Variants in TRAF3 observed in about 807,000 individuals in gnomAD.
TRAF3 encodes TNF receptor associated factor 3.
In TRAF3, 13 loss-of-function variants were observed where a neutral mutation model predicts 62.3. The observed-to-expected ratio is 0.21, with a 90% CI of 0.14 to 0.33. TRAF3 has a LOEUF of 0.33. TRAF3 is among the 10% of genes least tolerant of loss of function. The probability of loss-of-function intolerance (pLI) is 1.00; values close to 1 mark genes in which losing one functional copy is unlikely to be tolerated. For missense variants in TRAF3, 440 were observed against 741.8 expected, an observed-to-expected ratio of 0.59 and a Z score of 4.73; for synonymous variants, 269 against 283.4, an observed-to-expected ratio of 0.95 and a Z score of 0.51.
intron 6 of TRAF3, among the ~76,000 whole-genome samples, chr14:102,881,912 A>C (rs997562897): frequency 3.5e-4 from 54 of 152,232 alleles, no homozygotes; most frequent in Non-Finnish European, 3.1e-4. Flanking sequence ...AGGCTGTAAC[A>C]GGTCAGGTTT....
chr14:102,895,630 TAGAC>T lies in TRAF3; in HGVS notation c.820-1627_820-1624del, dbSNP rs544208218. Among the ~76,000 whole-genome samples the T allele has an allele frequency of 8.2e-3, 1,253 of 152,328 alleles. 10 individuals carry two copies. The highest frequency in any genetic ancestry group is 0.013 in the Non-Finnish European group (853 of 68,028). ...GGGTGGAGACCACCACCCCAATGGA[TAGAC>T]AGAGACACTCGTTAATAGATGGGGG... On this transcript the variant is annotated intron_variant, in intron 9 of 11. Transcript: ENST00000392745.
At chr14:102,853,393 G>A (rs868374720) in intron 2 of TRAF3, among the ~76,000 whole-genome samples, 4 of 152,022 alleles carry the variant, frequency 2.6e-5, no homozygotes, top group Admixed American at 1.3e-4. Context: ...CAGGCTGTGC[G>A]GGATTCAGGA....
intron 6 of TRAF3, among the ~76,000 whole-genome samples, chr14:102,879,991 C>T (rs1888955562): frequency 6.6e-6 from 1 of 152,064 alleles, no homozygotes; most frequent in African/African-American, 2.4e-5. Context: ...TGAAGCATAC[C>T]TGTAGTTCTA....
chr14:102,788,571 G>A (rs968743336), intron 1 of TRAF3, among the ~76,000 whole-genome samples: 1 of 152,174 alleles, frequency 6.6e-6, no homozygotes, highest in Admixed American at 6.5e-5. Context: ...AGGCTGAGGC[G>A]GGCGGATCAT....
rs1890833372 is a variant in TRAF3 at position 102,910,878 on chromosome 14, C to A, written c.*5094C>A. Reference sequence around the variant, plus strand: ...TAGTCCCCTCAGACAAGTAAGATACCCTCCAACAGCAAATTCAATGACTTA... The same window carrying A: ...TAGTCCCCTCAGACAAGTAAGATACACTCCAACAGCAAATTCAATGACTTA... On this transcript the variant is annotated 3_prime_UTR_variant, in exon 12 of 12. Transcript: ENST00000392745. 1 of 152,198 alleles carries A rather than the reference C, an allele frequency of 6.6e-6. No homozygotes were observed. Among genetic ancestry groups the A allele is most frequent in the Admixed American group, 6.5e-5 (1 of 15,282 alleles). The allele number at this position is 152,198 out of a possible 1,614,324, so 9.4% of individuals were successfully genotyped here. A position where few individuals can be genotyped will look rare whatever the true frequency, so the allele number is the denominator to read the frequency against.
chr14:102,892,319 A>T (rs930130970), intron 9 of TRAF3, among the ~76,000 whole-genome samples: 18 of 152,048 alleles, frequency 1.2e-4, no homozygotes, highest in African/African-American at 3.9e-4. Flanking sequence ...CGGCCTCCCA[A>T]AGTGCTGGGA....
chr14:102,806,510 C>A (rs888841323), intron 1 of TRAF3, among the ~76,000 whole-genome samples: 5 of 152,144 alleles, frequency 3.3e-5, no homozygotes, highest in African/African-American at 1.2e-4. Context: ...CCCAAGTTCC[C>A]CAAACTTATG....
At chr14:102,850,947 T>A (rs1887003347) in intron 2 of TRAF3, among the ~76,000 whole-genome samples, 1 of 152,152 alleles carries the variant, frequency 6.6e-6, no homozygotes. Context: ...GGATAGGCAG[T>A]GGGCTATTAA....
rs1890570500 is a variant in TRAF3 at position 102,906,027 on chromosome 14, A to T, written c.*243A>T. ...TCAACAAGATAAATATTGCTGTCAG[A>T]GAAGGTTTTCATTTTCATTTTTAAA... On this transcript the variant is annotated 3_prime_UTR_variant, in exon 12 of 12. Coordinates refer to ENST00000392745, the MANE Select transcript of TRAF3 (RefSeq NM_145725.3). 1 of 442,600 alleles carries T rather than the reference A, an allele frequency of 2.3e-6. No homozygotes were observed. The highest frequency in any genetic ancestry group is 4.0e-6 in the Non-Finnish European group (1 of 250,220). The allele number at this position is 442,600 out of a possible 1,614,324, so 27.4% of individuals were successfully genotyped here.
intron 1 of TRAF3, among the ~76,000 whole-genome samples, chr14:102,810,076 A>G (rs1319146287): frequency 6.6e-6 from 1 of 152,218 alleles, no homozygotes; most frequent in Non-Finnish European, 1.5e-5. Context: ...TATGTGACCC[A>G]TGAAACATAA....
At chr14:102,817,463 A>G (rs1336960726) in intron 1 of TRAF3, among the ~76,000 whole-genome samples, 10 of 152,076 alleles carry the variant, frequency 6.6e-5, no homozygotes, top group African/African-American at 1.2e-4. Flanking sequence ...CAGGGTGTTC[A>G]GGAGGGAGGT....
intron 2 of TRAF3, among the ~76,000 whole-genome samples, chr14:102,857,327 C>T (rs1030988919): frequency 1.8e-4 from 27 of 152,174 alleles, no homozygotes; most frequent in African/African-American, 6.5e-4. Flanking sequence ...GTTCCTGAAA[C>T]ATAATTTATT....
At chr14:102,883,037 A>G (rs1889157195) in intron 6 of TRAF3, among the ~76,000 whole-genome samples, 2 of 152,190 alleles carry the variant, frequency 1.3e-5, no homozygotes, top group Non-Finnish European at 1.5e-5. Flanking sequence ...CGCTTTGGAA[A>G]TCAACTGTCA....
intron 1 of TRAF3, among the ~76,000 whole-genome samples, chr14:102,799,630 T>C (rs1001724591): frequency 3.9e-5 from 6 of 152,156 alleles, no homozygotes; most frequent in Non-Finnish European, 7.4e-5. Flanking sequence ...TTTGTATTTT[T>C]AGTAGAGATG....
chr14:102,877,233 C>T (rs779730129), intron 6 of TRAF3, among the ~76,000 whole-genome samples: 3 of 149,378 alleles, frequency 2.0e-5, no homozygotes, highest in African/African-American at 7.6e-5. Context: ...CACAGGCCCT[C>T]CCCCAACTCA....
chr14:102,800,794 C>G (rs2139457543), intron 1 of TRAF3, among the ~76,000 whole-genome samples: 1 of 149,756 alleles, frequency 6.7e-6, no homozygotes, highest in Non-Finnish European at 1.5e-5. Context: ...CTTCTGATCT[C>G]AAGAGATCTT....
intron 2 of TRAF3, among the ~76,000 whole-genome samples, chr14:102,838,056 A>G (rs941091107): frequency 2.0e-5 from 3 of 152,220 alleles, no homozygotes; most frequent in East Asian, 1.9e-4. Context: ...GATAACAGAC[A>G]TAGTAGTTAA....
chr14:102,808,417 G>A (rs1204614161), intron 1 of TRAF3, among the ~76,000 whole-genome samples: 1 of 151,966 alleles, frequency 6.6e-6, no homozygotes, highest in African/African-American at 2.4e-5. Context: ...GGAGGCTGAG[G>A]CAGGAGAATT....
At position 102,801,772 on chromosome 14, in the gene TRAF3, G is replaced by A. The variant is rs8010672; in HGVS notation, c.-157+24097G>A. On this transcript the variant is annotated intron_variant, in intron 1 of 11. Coordinates refer to ENST00000392745, the MANE Select transcript of TRAF3 (RefSeq NM_145725.3). The stretch of plus-strand genomic sequence containing the variant: ...AGTGGCTCACATCTGTAATCCCAGC[G>A]CTTTGGGAGGCCGAGGCGGGCAGAT... Among the ~76,000 whole-genome samples, 656 of 151,644 alleles carry A rather than the reference G, an allele frequency of 4.3e-3. 4 individuals are homozygous for A. The highest frequency in any genetic ancestry group is 0.015 in the African/African-American group (617 of 41,310).
Sources: gnomAD v4.1 joint callset for allele counts (sites outside exome capture counted in the v4.1 genomes callset) on GRCh38, gnomAD v4.1.1 for gene constraint, MANE v1.5 for transcripts, NCBI Gene and HGNC (gene_info 2026-07-23, HGNC 2026-07-21) for gene names.